The following MUC5AC variants were observed in gnomAD, a reference collection of about 807,000 sequenced individuals.
MUC5AC encodes mucin 5AC, oligomeric mucus/gel-forming.
Under a neutral mutation model 169.7 loss-of-function variants are expected in MUC5AC, and 158 were observed. That is an observed-to-expected ratio of 0.93 (90% CI 0.82 to 1.06). MUC5AC has a LOEUF of 1.06. Among genes scored for constraint, MUC5AC ranks in the 50% least tolerant of loss-of-function variants. The pLI is 0.00. For synonymous variants in MUC5AC, 1,975 were observed against 1,237.0 expected, an observed-to-expected ratio of 1.60 and a Z score of -12.52; for missense variants, 4,359 against 3,089.9, an observed-to-expected ratio of 1.41 and a Z score of -9.74.
At chr11:1,199,612 A>C (rs1861371518) in intron 46 of MUC5AC, 83 bp from the exon 47 acceptor site, 2 of 695,996 alleles carry the variant, frequency 2.9e-6, no homozygotes, top group Middle Eastern at 2.6e-4. Flanking sequence ...TCCACTCCTG[A>C]GCCTGGCCCC....
intron 43 of MUC5AC, 124 bp from the exon 44 acceptor site, chr11:1,198,750 C>A (rs1861347045): frequency 3.1e-6 from 2 of 636,660 alleles, no homozygotes; most frequent in Admixed American, 2.3e-5. Context: ...TGCAACTCGG[C>A]CTGGTAGGAA....
In MUC5AC at chr11:1,199,472, C is replaced by G; in HGVS notation, c.16497C>G (p.Pro5499=). ...LVVVTTKKAC[P]PLSCSLDEAR... The stretch of plus-strand genomic sequence containing the variant: ...TGGTCACCACGAAGAAGGCGTGCCC[C>G]CCGCTCAGCTGTTCTCTGGTGAGGT... The change falls in exon 46 of 49, where the codon CCC becomes CCG. Residue 5499 remains proline (P), a synonymous_variant. Coordinates refer to ENST00000621226, the MANE Select transcript of MUC5AC (RefSeq NM_001304359.2). The G allele has an allele frequency of 1.4e-6, 1 of 718,450 alleles. No homozygotes were observed. Among genetic ancestry groups the G allele is most frequent in the Middle Eastern group, 2.3e-4 (1 of 4,394 alleles). The allele number at this position is 718,450 out of a possible 1,614,324, so 44.5% of individuals were successfully genotyped here.
At position 1,179,080 on chromosome 11, in the gene MUC5AC, C is replaced by T. The variant is rs898085103; in HGVS notation, c.3328-12C>T. On this transcript the variant is annotated splice_polypyrimidine_tract_variant and intron_variant, in intron 25 of 48. Coordinates refer to ENST00000621226, the MANE Select transcript of MUC5AC (RefSeq NM_001304359.2). ...GGGGGGTCCCTGGAACCTGAAGCCC[C>T]GTCTCCCTCAGGTGGAGCCGGCCAG... 32 of 520,824 alleles carry T rather than the reference C, an allele frequency of 6.1e-5. No individual in the cohort carries two copies. The highest frequency in any genetic ancestry group is 4.7e-4 in the Middle Eastern group (1 of 2,120). The allele number at this position is 520,824 out of a possible 1,614,324, so 32.3% of individuals were successfully genotyped here.
Position 1,185,709 on chromosome 11 carries a change from A to G in MUC5AC, c.7564A>G (p.Thr2522Ala). The change falls in exon 31 of 49, where the codon ACC (threonine) becomes GCC (alanine). Residue 2522 changes from threonine to alanine, a missense_variant. Transcript: ENST00000621226. ...AACCAGCACAACCTCTGCTTCTACA[A>G]CCAGCACAACCTCTGGTGCTGGAAC... ...PTTSTTSASTTSTTSGAGTTP... is the reference protein window; with the variant it reads ...PTTSTTSASTASTTSGAGTTP... 1 of 744,254 alleles carries G rather than the reference A, an allele frequency of 1.3e-6. No individual in the cohort carries two copies. The highest frequency in any genetic ancestry group is 2.5e-6 in the Non-Finnish European group (1 of 407,300). 46.1% of individuals were successfully genotyped at this position (744,254 alleles called of 1,614,324 possible).
At position 1,192,291 on chromosome 11, in the gene MUC5AC, C is replaced by T. The variant is rs2133769542; in HGVS notation, c.14146C>T (p.Leu4716Phe). The T allele has an allele frequency of 1.3e-6, 1 of 765,102 alleles. No individual in the cohort carries two copies. Among genetic ancestry groups the T allele is most frequent in the East Asian group, 2.4e-5 (1 of 41,254 alleles). The allele number at this position is 765,102 out of a possible 1,614,324, so 47.4% of individuals were successfully genotyped here. ...QDQQGPFKMC[L>F]NYEVRVLCCE... ...CCAGCAGGGACCCTTCAAGATGTGC[C>T]TCAACTACGAGGTGCGCGTGCTCTG... The change falls in exon 31 of 49, where the codon CTC becomes TTC. Residue 4716 changes from leucine to phenylalanine, a missense_variant. By Grantham distance (22) the Leu-to-Phe change is conservative. Transcript: ENST00000621226.
Position 1,179,171 on chromosome 11 carries a change from GC to G in MUC5AC, c.3408del (p.Cys1136Ter). On this transcript the variant is annotated frameshift_variant, in exon 26 of 49. Transcript: ENST00000621226. LOFTEE classifies it high-confidence loss of function. ...TCCGGGGGTGACTGCGAGTGCTTCT[GC>G]ACGGCTGTGGCCGCCTACGCCCAGG... Reference protein sequence around the residue: ...CDSGGDCECFCTAVAAYAQAC... With the variant: ...CDSGGDCECFXTAVAAYAQAC... 1 of 681,658 alleles carries G rather than the reference GC, an allele frequency of 1.5e-6. No individual in the cohort carries two copies. The highest frequency in any genetic ancestry group is 2.7e-6 in the Non-Finnish European group (1 of 373,990). 42.2% of individuals were successfully genotyped at this position (681,658 alleles called of 1,614,324 possible). A position where few individuals can be genotyped will look rare whatever the true frequency, so the allele number is the denominator to read the frequency against.
chr11:1,181,067 G>C (rs1860806084), intron 28 of MUC5AC, 72 bp from the exon 29 acceptor site: 3 of 398,342 alleles, frequency 7.5e-6, no homozygotes, highest in Non-Finnish European at 1.3e-5. Flanking sequence ...CCCGCCGTTG[G>C]TAGCATGGGA....
In MUC5AC at chr11:1,186,378, A is replaced by G. The variant is rs1215596562; in HGVS notation, c.8233A>G (p.Thr2745Ala). 1 of 710,586 alleles carries G rather than the reference A, an allele frequency of 1.4e-6. No homozygotes were observed. The highest frequency in any genetic ancestry group is 2.6e-6 in the Non-Finnish European group (1 of 389,886). 44.0% of individuals were successfully genotyped at this position (710,586 alleles called of 1,614,324 possible). The part of the protein sequence containing the change: ...ATTTSTTSAP[T>A]PRRTSAPTTS... ...TACAACCAGCACGACCTCTGCTCCT[A>G]CACCCAGAAGAACCTCAGCCCCTAC... The change falls in exon 31 of 49, where the codon ACA becomes GCA. Residue 2745 changes from threonine (T) to alanine (A), a missense_variant. Transcript: ENST00000621226.
chr11:1,168,257 C>T (rs1190747331), intron 12 of MUC5AC, among the ~76,000 whole-genome samples: 2 of 152,218 alleles, frequency 1.3e-5, no homozygotes, highest in African/African-American at 2.4e-5. Flanking sequence ...GGCTTCTCCA[C>T]TGAAGTCAAT....
intron 48 of MUC5AC, among the ~76,000 whole-genome samples, chr11:1,200,214 C>G (rs935721724): frequency 1.3e-5 from 2 of 152,256 alleles, no homozygotes; most frequent in African/African-American, 4.8e-5. Context: ...TTGCCGCAGC[C>G]GCCCCGAGTC....
chr11:1,195,940 C>T lies in MUC5AC; in HGVS notation c.15523C>T (p.Arg5175Trp), dbSNP rs746925963. Residue 5175 changes from arginine to tryptophan, a missense_variant, in exon 37 of 49, where the codon CGG becomes TGG. Physicochemically the swap from Arg to Trp is moderately radical, Grantham distance 101 (BLOSUM62 -3). Transcript: ENST00000621226. ...LLFYEGCVFD[R>W]CHMTDLDVVC... is the part of the protein sequence containing the mutation. ...GTTCTATGAGGGCTGCGTCTTTGACCGGTGCCACATGACGGACCTGGATGT... is the reference window on the plus strand; with the variant it reads ...GTTCTATGAGGGCTGCGTCTTTGACTGGTGCCACATGACGGACCTGGATGT... The T allele has an allele frequency of 1.1e-4, 84 of 764,900 alleles. 1 individual carries two copies. Among genetic ancestry groups the T allele is most frequent in the African/African-American group, 4.6e-4 (27 of 59,144 alleles). 47.4% of individuals were successfully genotyped at this position (764,900 alleles called of 1,614,324 possible). A position where few individuals can be genotyped will look rare whatever the true frequency, so the allele number is the denominator to read the frequency against.
chr11:1,160,677 CG>C lies in MUC5AC; in HGVS notation c.144del (p.Ser50AlafsTer14). ...CCACCCTGCCCTCTCTCCTATCGCC[CG>C]GGGGCCCAGCGGTGAGTCTGAGTGT... The part of the protein sequence containing the change: ...KHHPALSPIA[R>X]GPSGVPLRGA... On this transcript the variant is annotated frameshift_variant, in exon 2 of 49. Transcript: ENST00000621226. LOFTEE classifies it high-confidence loss of function. The C allele has an allele frequency of 1.9e-6, 3 of 1,610,192 alleles. No homozygotes were observed. Among genetic ancestry groups the C allele is most frequent in the Non-Finnish European group, 8.5e-7 (1 of 1,179,440 alleles).
chr11:1,200,034 G>T lies in MUC5AC; in HGVS notation c.16700+65G>T, dbSNP rs1259221090. On this transcript the variant is annotated intron_variant, in intron 48 of 48. Coordinates refer to ENST00000621226, the MANE Select transcript of MUC5AC (RefSeq NM_001304359.2). ...GTGGGGTGCAGTCAGGGCCCCCAGG[G>T]CTCTAGGTGCCAGATAGACGAGGGG... is the stretch of plus-strand genomic sequence containing the variant. 13 of 668,272 alleles carry T rather than the reference G, an allele frequency of 1.9e-5. No individual in the cohort carries two copies. The East Asian group carries it at 3.4e-4, about 18-fold the overall frequency. The allele number at this position is 668,272 out of a possible 1,614,324, so 41.4% of individuals were successfully genotyped here. A position where few individuals can be genotyped will look rare whatever the true frequency, so the allele number is the denominator to read the frequency against.
At chr11:1,199,237 C>T (rs1422307381) in intron 45 of MUC5AC, 52 bp downstream of exon 45, 2 of 721,946 alleles carry the variant, frequency 2.8e-6, no homozygotes, top group African/African-American at 1.7e-5. Context: ...AGCACTGGGG[C>T]ATGTGGGGAC....
At chr11:1,158,134 G>A (rs1860015118) in intron 1 of MUC5AC, 62 bp downstream of exon 1, 1 of 1,446,406 alleles carries the variant, frequency 6.9e-7, no homozygotes, top group South Asian at 1.2e-5. Context: ...GTGGGCCTCA[G>A]GCAGCTCAGT....
intron 12 of MUC5AC, 125 bp from the exon 13 acceptor site, chr11:1,168,358 C>T: frequency 1.1e-6 from 1 of 919,862 alleles, no homozygotes; most frequent in South Asian, 1.4e-5. Context: ...CACAAGGCCA[C>T]CTTGTAGGAG....
Position 1,196,602 on chromosome 11 carries a change from C to T in MUC5AC, c.15726-15C>T, listed in dbSNP as rs1590153450. 1.3e-6 allele frequency: 1 copy of T among 761,188 alleles called. No individual in the cohort carries two copies. Among genetic ancestry groups the T allele is most frequent in the East Asian group, 2.4e-5 (1 of 40,970 alleles). 47.2% of individuals were successfully genotyped at this position (761,188 alleles called of 1,614,324 possible). The stretch of plus-strand genomic sequence containing the variant: ...GAGGGAAAAAGGAGACCCACCAACC[C>T]TATGCTCTCTACAGGGCTCTGCCGG... On this transcript the variant is annotated splice_polypyrimidine_tract_variant and intron_variant, in intron 38 of 48. Coordinates refer to ENST00000621226, the MANE Select transcript of MUC5AC (RefSeq NM_001304359.2).
In MUC5AC at chr11:1,176,677, G is replaced by A. The variant is rs941147387; in HGVS notation, c.2654+12G>A. ...GGCTGCAACACCTGGTATGCCGGGGGCTCAAAGCCCATGGGGGGTGTCAGG... is the reference window on the plus strand; with the variant it reads ...GGCTGCAACACCTGGTATGCCGGGGACTCAAAGCCCATGGGGGGTGTCAGG... On this transcript the variant is annotated intron_variant, in intron 21 of 48. Coordinates refer to ENST00000621226, the MANE Select transcript of MUC5AC (RefSeq NM_001304359.2). The A allele has an allele frequency of 5.0e-6, 2 of 398,576 alleles. No homozygotes were observed. Among genetic ancestry groups the A allele is most frequent in the Non-Finnish European group, 8.8e-6 (2 of 226,094 alleles). 24.7% of individuals were successfully genotyped at this position (398,576 alleles called of 1,614,324 possible).
At chr11:1,174,376 G>A in intron 16 of MUC5AC, 120 bp from the exon 17 acceptor site, 1 of 616,980 alleles carries the variant, frequency 1.6e-6, no homozygotes, top group Non-Finnish European at 2.8e-6. Flanking sequence ...GAGGGGTCCT[G>A]GGGGCAGGAA....
Sources: allele counts gnomAD v4.1 joint callset (sites outside exome capture counted in the v4.1 genomes callset), GRCh38; gene constraint gnomAD v4.1.1; transcripts MANE v1.5; gene names NCBI Gene and HGNC (gene_info 2026-07-23, HGNC 2026-07-21).